Variants in DHX40 observed in about 807,000 individuals in gnomAD.
DHX40 encodes the protein DEAH-box helicase 40.
Under a neutral mutation model 89.6 loss-of-function variants are expected in DHX40, and 28 were observed. The observed-to-expected ratio is 0.31, with a 90% CI of 0.23 to 0.43. DHX40 has a LOEUF of 0.43. DHX40 is among the 20% of genes least tolerant of loss of function. DHX40 has a pLI of 1.00. For missense variants in DHX40, 457 were observed against 844.0 expected, an observed-to-expected ratio of 0.54 and a Z score of 5.68; for synonymous variants, 226 against 283.6, an observed-to-expected ratio of 0.80 and a Z score of 2.04.
rs574800486 is a variant in DHX40 at position 59,569,889 on chromosome 17, A to T, written c.281-629A>T. Among the ~76,000 whole-genome samples the T allele has an allele frequency of 5.5e-5, 8 of 145,484 alleles. No homozygotes were observed. The Admixed American group carries it at 5.7e-4, about 10-fold the overall frequency. On this transcript the variant is annotated intron_variant, in intron 2 of 17. Transcript: ENST00000251241. The stretch of plus-strand genomic sequence containing the variant: ...GGAAAAAACCCGTCTCTGCTAAAAT[A>T]CAAAATTAGCCCGGCATGGTGGCAC...
In DHX40 at chr17:59,570,676, T is replaced by C. The variant is rs1249629855; in HGVS notation, c.426+13T>C. On this transcript the variant is annotated intron_variant, in intron 3 of 17. Transcript: ENST00000251241. ...TTGCAGTTCTAAGGTACAAAAGTCT[T>C]GTTGGTATTTGTTTCTTTTCTTTTA... is the stretch of plus-strand genomic sequence containing the variant. 3 of 1,597,724 alleles carry C rather than the reference T, an allele frequency of 1.9e-6. No homozygotes were observed. Among genetic ancestry groups the C allele is most frequent in the Non-Finnish European group, 2.6e-6 (3 of 1,171,884 alleles).
chr17:59,602,171 G>A (rs78256954), intron 14 of DHX40, among the ~76,000 whole-genome samples: 1 of 151,972 alleles, frequency 6.6e-6, no homozygotes, highest in Admixed American at 6.5e-5. Context: ...GGTCTTCCTG[G>A]ACTCCCAGCT....
At chr17:59,569,902 G>A (rs1006381093) in intron 2 of DHX40, among the ~76,000 whole-genome samples, 6 of 144,854 alleles carry the variant, frequency 4.1e-5, no homozygotes, top group Non-Finnish European at 7.5e-5. Context: ...AAATTAGCCC[G>A]GCATGGTGGC....
intron 15 of DHX40, 99 bp from the exon 16 acceptor site, chr17:59,605,013 TGTA>T: frequency 1.1e-6 from 1 of 935,198 alleles, no homozygotes. Context: ...TAATGCTGTT[TGTA>T]GTAGAACATA....
intron 17 of DHX40, 192 bp downstream of exon 17, chr17:59,605,866 G>C: frequency 1.5e-6 from 1 of 652,044 alleles, no homozygotes; most frequent in Non-Finnish European, 2.8e-6. Context: ...TTGGGAGGCT[G>C]ATGCAGGAGG....
rs376643629 is a variant in DHX40 at position 59,600,296 on chromosome 17, A to C, written c.1806+813A>C. Among the ~76,000 whole-genome samples the C allele has an allele frequency of 3.9e-5, 6 of 152,224 alleles. No homozygotes were observed. The South Asian group carries it at 1.2e-3, about 32-fold the overall frequency. ...ATGATATACAGCAGGCCCTAGAAAAATATTGTTTTATTCACCATTGTTTTA... is the reference window on the plus strand; with the variant it reads ...ATGATATACAGCAGGCCCTAGAAAACTATTGTTTTATTCACCATTGTTTTA... On this transcript the variant is annotated intron_variant, in intron 14 of 17. Transcript: ENST00000251241.
rs780681873 is a variant in DHX40, at chr17:59,605,537, G to A, written c.2063G>A (p.Arg688His). The change falls in exon 17 of 18, where the codon CGT (arginine) becomes CAT (histidine). Residue 688 changes from arginine to histidine, a missense_variant. This residue lies in a region of DHX40 where 120 missense variants were observed against 161.7 expected (regional missense o/e 0.74). Transcript: ENST00000251241. ...TACGCAAGAATTGTATGCCCAATCC[G>A]TTATGAATGGGTAAGAGACTTGTTA... ...KVYARIVCPI[R>H]YEWVRDLLPK... The A allele has an allele frequency of 4.3e-6, 7 of 1,614,158 alleles. No homozygotes were observed. The highest frequency in any genetic ancestry group is 1.1e-5 in the South Asian group (1 of 91,088).
At chr17:59,589,381 C>A (rs1268780894) in intron 12 of DHX40, among the ~76,000 whole-genome samples, 4 of 151,354 alleles carry the variant, frequency 2.6e-5, no homozygotes, top group South Asian at 2.1e-4. Context: ...GCCACAACGC[C>A]CGGCTAATTT....
intron 8 of DHX40, among the ~76,000 whole-genome samples, chr17:59,578,034 T>C (rs1274335261): frequency 6.6e-6 from 1 of 152,170 alleles, no homozygotes; most frequent in African/African-American, 2.4e-5. Context: ...CTGGATGTAG[T>C]AAATAGTGCT....
At chr17:59,597,864 G>T (rs1270343834) in intron 12 of DHX40, among the ~76,000 whole-genome samples, 5 of 151,350 alleles carry the variant, frequency 3.3e-5, no homozygotes, top group Non-Finnish European at 2.9e-5. Context: ...GAACCCGGGA[G>T]GCGGAGCTTG....
At chr17:59,577,404 T>C (rs1265375755) in intron 8 of DHX40, 39 bp downstream of exon 8, 1 of 1,534,062 alleles carries the variant, frequency 6.5e-7, no homozygotes, top group Admixed American at 1.7e-5. Context: ...CAAGGAAGCC[T>C]ATCGTTACTA....
At chr17:59,573,000 A>T in intron 3 of DHX40, 116 bp from the exon 4 acceptor site, 1 of 1,111,696 alleles carries the variant, frequency 9.0e-7, no homozygotes, top group Non-Finnish European at 1.3e-6. Context: ...GACTATTTTT[A>T]TGTACCCTTT....
chr17:59,598,523 G>A (rs902234840), intron 12 of DHX40, among the ~76,000 whole-genome samples: 5 of 152,016 alleles, frequency 3.3e-5, no homozygotes, highest in African/African-American at 1.2e-4. Context: ...GAGAAGTAAT[G>A]TTGCTATTCA....
At chr17:59,573,277 G>A (rs1287308035) in intron 4 of DHX40, 42 bp downstream of exon 4, 2 of 1,540,006 alleles carry the variant, frequency 1.3e-6, no homozygotes, top group South Asian at 2.5e-5. Flanking sequence ...TTAGCAAGTA[G>A]TTTGTTTGGG....
In DHX40 at chr17:59,587,956, G is replaced by C; in HGVS notation, c.1485G>C (p.Leu495=). ...SMVEFPLPPH[L]TCAVIKAASL... ...TGGAGTTTCCTTTGCCTCCACATCT[G>C]ACATGTGCAGTAATAAAAGCTGCTT... The change falls in exon 12 of 18, where the codon CTG becomes CTC. Residue 495 remains leucine, a synonymous_variant. Coordinates refer to ENST00000251241, the MANE Select transcript of DHX40 (RefSeq NM_024612.5). 1 of 1,613,670 alleles carries C rather than the reference G, an allele frequency of 6.2e-7. No individual in the cohort carries two copies.
In DHX40 at chr17:59,570,637, G is replaced by C. The variant is rs2048793385; in HGVS notation, c.400G>C (p.Val134Leu). Residue 134 changes from valine to leucine, a missense_variant, in exon 3 of 18, where the codon GTT becomes CTT. Val to Leu is a conservative substitution (Grantham distance 32). Coordinates refer to ENST00000251241, the MANE Select transcript of DHX40 (RefSeq NM_024612.5). ...TTTGGGATCCAAAGTAGGATACCAA[G>C]TTCGTTTTGATGATTGCAGTTCTAA... Reference protein sequence around the residue: ...CTLGSKVGYQVRFDDCSSKET... With the variant: ...CTLGSKVGYQLRFDDCSSKET... 2 of 1,608,410 alleles carry C rather than the reference G, an allele frequency of 1.2e-6. No individual in the cohort carries two copies. Among genetic ancestry groups the C allele is most frequent in the Non-Finnish European group, 1.7e-6 (2 of 1,177,452 alleles).
chr17:59,566,046 A>G (rs1399472155), intron 1 of DHX40, among the ~76,000 whole-genome samples: 2 of 152,110 alleles, frequency 1.3e-5, no homozygotes, highest in African/African-American at 4.8e-5. Flanking sequence ...CTGTTCTTAA[A>G]CAGGCTCATA....
At chr17:59,588,148 A>G (rs2049025633) in intron 12 of DHX40, 95 bp downstream of exon 12, 1 of 1,526,774 alleles carries the variant, frequency 6.5e-7, no homozygotes, top group Non-Finnish European at 8.9e-7. Context: ...TGGGAGGGCA[A>G]GGCAGGTGGA....
At chr17:59,592,328 G>A (rs2143312199) in intron 12 of DHX40, among the ~76,000 whole-genome samples, 1 of 151,662 alleles carries the variant, frequency 6.6e-6, no homozygotes, top group African/African-American at 2.4e-5. Context: ...TTTGATATTT[G>A]TTTACAGTTA....
Sources: gnomAD v4.1 joint callset for allele counts (sites outside exome capture counted in the v4.1 genomes callset) on GRCh38, gnomAD v4.1.1 for gene constraint, gnomAD v4.1.1 regional missense constraint, MANE v1.5 for transcripts, NCBI Gene and HGNC (gene_info 2026-07-23, HGNC 2026-07-21) for gene names.